Variants in DNAH14 observed in about 807,000 individuals in gnomAD.
DNAH14 encodes the protein axonemal beta dynein heavy chain 14.
Under a neutral mutation model 520.9 loss-of-function variants are expected in DNAH14, and 478 were observed. That is an observed-to-expected ratio of 0.92 (90% CI 0.85 to 0.99). The LOEUF (loss-of-function observed/expected upper bound fraction) is 0.99. Ranked by LOEUF, DNAH14 falls within the 50% of genes least tolerant of loss-of-function variation. The pLI, the probability that DNAH14 is intolerant of heterozygous loss-of-function variation, is 0.00. For missense variants in DNAH14, 4,831 were observed against 5,234.5 expected (o/e 0.92, Z 2.38); for synonymous variants, 1,581 against 1,757.2 (o/e 0.90, Z 2.51).
At chr1:225,359,843 T>G (rs2095473428) in intron 74 of DNAH14, among the ~76,000 whole-genome samples, 1 of 152,246 alleles carries the variant, frequency 6.6e-6, no homozygotes, top group Non-Finnish European at 1.5e-5. Context: ...TATTTTAGTT[T>G]AATTTTGTTT....
intron 17 of DNAH14, among the ~76,000 whole-genome samples, chr1:225,054,070 T>C (rs1488400564): frequency 3.3e-5 from 5 of 152,260 alleles, no homozygotes; most frequent in South Asian, 2.1e-4. Flanking sequence ...TCTGCCCAGC[T>C]CAGAGACGTT....
intron 10 of DNAH14, among the ~76,000 whole-genome samples, chr1:225,013,090 C>G (rs2064926879): frequency 6.6e-6 from 1 of 152,116 alleles, no homozygotes; most frequent in Admixed American, 6.5e-5. Context: ...TTTTCCTCAT[C>G]TTCGTGGATT....
intron 34 of DNAH14, among the ~76,000 whole-genome samples, chr1:225,157,136 C>T (rs1376795241): frequency 1.3e-5 from 2 of 152,018 alleles, no homozygotes; most frequent in Non-Finnish European, 1.5e-5. Context: ...CAGTTTTCTC[C>T]CTCTTTCCTT....
Position 225,207,143 on chromosome 1 carries a change from T to C in DNAH14, c.6362T>C (p.Ile2121Thr), listed in dbSNP as rs2087681611. ...QKFQPYPMEDITVVITLCRIL... is the reference protein window; with the variant it reads ...QKFQPYPMEDTTVVITLCRIL... ...TTTCAGCCATATCCTATGGAGGACA[T>C]AACAGTCGTCATAACCCTCTGCAGA... The change falls in exon 41 of 86, where the codon ATA (isoleucine) becomes ACA (threonine). Residue 2121 changes from isoleucine to threonine, a missense_variant. By Grantham distance (89) the Ile-to-Thr change is moderately conservative. Coordinates refer to ENST00000682510, the MANE Select transcript of DNAH14 (RefSeq NM_001367479.1). 1.3e-6 allele frequency: 2 copies of C among 1,550,980 alleles called. No homozygotes were observed. The highest frequency in any genetic ancestry group is 3.9e-5 in the Admixed American group (2 of 50,950).
In DNAH14 at chr1:225,157,004, C is replaced by T. The variant is rs1446277713; in HGVS notation, c.5274-2310C>T. 3.7e-5 allele frequency among the ~76,000 whole-genome samples: 4 copies of T among 109,338 alleles called. 1 individual carries two copies. The highest frequency in any genetic ancestry group is 5.6e-5 in the Non-Finnish European group (3 of 54,040). 71.7% of individuals were successfully genotyped at this position (109,338 alleles called of 152,430 possible). On this transcript the variant is annotated intron_variant, in intron 34 of 85. Coordinates refer to ENST00000682510, the MANE Select transcript of DNAH14 (RefSeq NM_001367479.1). ...TGCTGGGATTACAGGCGTGAGCCAC[C>T]GCGCCCGGCCTTAAAATTCTTAATC...
intron 41 of DNAH14, among the ~76,000 whole-genome samples, chr1:225,210,636 C>G (rs1039837174): frequency 1.3e-5 from 2 of 152,198 alleles, no homozygotes; most frequent in African/African-American, 4.8e-5. Flanking sequence ...GCTCTTCCAG[C>G]ACAGTGCTCG....
intron 66 of DNAH14, among the ~76,000 whole-genome samples, chr1:225,335,303 G>GTGTGTATGCACATA (rs1574852975): frequency 7.2e-6 from 1 of 138,890 alleles, no homozygotes; most frequent in Admixed American, 7.2e-5. Flanking sequence ...ATACACATGT[G>GTGTGTATGCACATA]TACACGTGTG....
In DNAH14 at chr1:225,335,537, ATATATACG is replaced by A. The variant is rs150029849; in HGVS notation, c.10081-1721_10081-1714del. Among the ~76,000 whole-genome samples, 236 of 63,098 alleles carry A rather than the reference ATATATACG, an allele frequency of 3.7e-3. 57 individuals carry two copies. The highest frequency in any genetic ancestry group is 4.7e-3 in the Non-Finnish European group (132 of 27,860). 41.4% of individuals were successfully genotyped at this position (63,098 alleles called of 152,430 possible). ...CATATGTACATATATACATATGTAC[ATATATACG>A]TATATACATATGTACATCTATGTAT... On this transcript the variant is annotated intron_variant, in intron 66 of 85. Coordinates refer to ENST00000682510, the MANE Select transcript of DNAH14 (RefSeq NM_001367479.1).
intron 42 of DNAH14, among the ~76,000 whole-genome samples, 156 bp from the exon 43 acceptor site, chr1:225,240,436 GA>G (rs2091902723): frequency 6.6e-6 from 1 of 151,618 alleles, no homozygotes; most frequent in African/African-American, 2.4e-5. Context: ...ATTATCAAAG[GA>G]AAAAATTTAC....
rs79645812 is a variant in DNAH14 at position 224,964,596 on chromosome 1, A to T, written c.485A>T (p.Lys162Met). 8.9e-4 allele frequency: 1,420 copies of T among 1,599,806 alleles called. 9 individuals carry two copies. The African/African-American group carries it at 0.017, about 19-fold the overall frequency. ...GGAAGCTCCAAAATTGCAATTCAGA[A>T]GATTACTTTAAAGGTATTGTTCTAT... ...KYGSSKIAIQ[K>M]ITLKKPLEDD... The change falls in exon 5 of 86, where the codon AAG (lysine) becomes ATG (methionine). Residue 162 changes from lysine to methionine, a missense_variant. By Grantham distance (95) the Lys-to-Met change is moderately conservative. Transcript: ENST00000682510.
At chr1:225,203,816 G>T (rs2087176879) in intron 38 of DNAH14, among the ~76,000 whole-genome samples, 1 of 151,378 alleles carries the variant, frequency 6.6e-6, no homozygotes. Flanking sequence ...CTTGAGAACT[G>T]ATATGAAGGA....
At chr1:225,396,352 G>A (rs1020947325) in intron 84 of DNAH14, 1 of 152,192 alleles carries the variant, frequency 6.6e-6, no homozygotes, top group African/African-American at 2.4e-5. Flanking sequence ...TGGCACTGAT[G>A]CTTGCTAGCC....
chr1:225,056,761 T>G (rs1403368904), intron 17 of DNAH14, among the ~76,000 whole-genome samples: 1 of 152,206 alleles, frequency 6.6e-6, no homozygotes, highest in East Asian at 1.9e-4. Context: ...CTAGCCAGTT[T>G]TCCCAGCACC....
intron 36 of DNAH14, among the ~76,000 whole-genome samples, chr1:225,181,137 G>A (rs2083943655): frequency 6.6e-6 from 1 of 152,116 alleles, no homozygotes; most frequent in East Asian, 1.9e-4. Flanking sequence ...CTGCATCCAT[G>A]TTGCTATAAA....
intron 9 of DNAH14, among the ~76,000 whole-genome samples, chr1:225,005,457 A>G (rs1055389873): frequency 6.6e-6 from 1 of 152,164 alleles, no homozygotes; most frequent in Non-Finnish European, 1.5e-5. Flanking sequence ...GAGATACTTG[A>G]GTGATAGAGA....
intron 41 of DNAH14, among the ~76,000 whole-genome samples, chr1:225,227,828 A>G (rs2090692473): frequency 6.6e-6 from 1 of 152,158 alleles, no homozygotes. Context: ...AACGTTATTC[A>G]TAATCACACA....
chr1:225,203,026 A>G (rs143666565), intron 38 of DNAH14, among the ~76,000 whole-genome samples: 1 of 152,220 alleles, frequency 6.6e-6, no homozygotes, highest in East Asian at 1.9e-4. Context: ...TGCCACTTCC[A>G]CAGTTTGGAC....
chr1:225,128,560 A>C (rs1459332559), intron 27 of DNAH14, among the ~76,000 whole-genome samples: 1 of 151,766 alleles, frequency 6.6e-6, no homozygotes, highest in South Asian at 2.1e-4. Flanking sequence ...AACCAAAGAC[A>C]AAAACCACAT....
rs772922279 is a variant in DNAH14 at position 225,152,031 on chromosome 1, G to T, written c.4967G>T (p.Arg1656Leu). 6.4e-7 allele frequency: 1 copy of T among 1,551,440 alleles called. No individual in the cohort carries two copies. Among genetic ancestry groups the T allele is most frequent in the African/African-American group, 1.4e-5 (1 of 73,014 alleles). Residue 1656 changes from arginine to leucine, a missense_variant, in exon 32 of 86, where the codon CGT (arginine) becomes CTT (leucine). Transcript: ENST00000682510. ...TTTGTACTGGAAGGAAAAGAAATTC[G>T]TATCAATATGTCTTGTGCGGTATTT... ...ARFVLEGKEI[R>L]INMSCAVFIT... is the part of the protein sequence containing the mutation.
Sources: gnomAD v4.1 joint callset for allele counts (sites outside exome capture counted in the v4.1 genomes callset) on GRCh38, gnomAD v4.1.1 for gene constraint, MANE v1.5 for transcripts, NCBI Gene and HGNC (gene_info 2026-07-23, HGNC 2026-07-21) for gene names.